CD8B2: variants seen among roughly 807,000 people sequenced by gnomAD.
CD8B2 encodes T-cell surface glycoprotein CD8 beta-2 chain.
In CD8B2, 11 loss-of-function variants were observed where a neutral mutation model predicts 23.7. That is an observed-to-expected ratio of 0.46 (90% confidence interval 0.29 to 0.77). CD8B2 has a LOEUF of 0.77. Ranked by LOEUF, CD8B2 falls within the 30% of genes least tolerant of loss-of-function variation. The pLI, the probability that CD8B2 is intolerant of heterozygous loss-of-function variation, is 0.09. For missense variants in CD8B2, 197 were observed against 270.5 expected (o/e 0.73, Z 1.91); for synonymous variants, 90 against 109.3 (o/e 0.82, Z 1.10).
rs560380924 is a variant in CD8B2 at position 106,504,306 on chromosome 2, C to A, written c.601C>A (p.Arg201=). 16 of 1,554,592 alleles carry A rather than the reference C, an allele frequency of 1.0e-5. No individual in the cohort carries two copies. The South Asian group carries it at 1.9e-4, about 18-fold the overall frequency. ...MHLCCRRRRA[R]LRFMKQFYK ...TCTTCCAGGCCGGCGGAGGAGAGCC[C>A]GGCTTCGTTTCATGAAACAGTAAGT... Residue 201 remains arginine (R), a synonymous_variant, in exon 5 of 6, where the codon CGG becomes AGG. Transcript: ENST00000643224.
At chr2:106,521,784 G>A (rs1372714179) in intron 5 of CD8B2, 1 of 152,216 alleles carries the variant, frequency 6.6e-6, no homozygotes, top group South Asian at 2.1e-4. Context: ...TCAGAAATGG[G>A]GAAAGATAAC....
intron 2 of CD8B2, among the ~76,000 whole-genome samples, chr2:106,494,823 CTG>C (rs983516154): frequency 1.3e-5 from 2 of 152,218 alleles, no homozygotes; most frequent in African/African-American, 4.8e-5. Context: ...CCCCTTGTCT[CTG>C]GTGTTCACCT....
intron 5 of CD8B2, among the ~76,000 whole-genome samples, chr2:106,519,794 A>C (rs112740678): frequency 0.017 from 2,608 of 152,318 alleles, 33 homozygotes; most frequent in Non-Finnish European, 0.027. Context: ...AAAAGAAAAA[A>C]ATTGCAAAAT....
intron 5 of CD8B2, among the ~76,000 whole-genome samples, chr2:106,533,201 G>A (rs533711258): frequency 6.6e-6 from 1 of 152,138 alleles, no homozygotes; most frequent in South Asian, 2.1e-4. Context: ...GGCAGAATCC[G>A]GGGGCACCAG....
chr2:106,512,474 G>GGGGT (rs371354974), downstream of CD8B2, among the ~76,000 whole-genome samples: 929 of 150,766 alleles, frequency 6.2e-3, 10 homozygotes, highest in African/African-American at 0.021. Context: ...CTCTTCCTTG[G>GGGGT]GTGTGTGTGT....
At chr2:106,540,723 C>T (rs1313372591) in intron 5 of CD8B2, among the ~76,000 whole-genome samples, 2 of 152,112 alleles carry the variant, frequency 1.3e-5, no homozygotes, top group Non-Finnish European at 2.9e-5. Context: ...TACCACCACG[C>T]CAGGCTAATT....
At chr2:106,505,857 G>A (rs1371722992) in intron 5 of CD8B2, among the ~76,000 whole-genome samples, 1 of 152,176 alleles carries the variant, frequency 6.6e-6, no homozygotes, top group Non-Finnish European at 1.5e-5. Context: ...AAGGCCGGGT[G>A]CGGTGGCTCA....
rs575908896 is a variant in CD8B2, at chr2:106,496,150, T to G, written c.404-23T>G. On this transcript the variant is annotated intron_variant, in intron 2 of 5. Coordinates refer to ENST00000643224, the MANE Select transcript of CD8B2 (RefSeq NM_001349727.2). The stretch of plus-strand genomic sequence containing the variant: ...ACGTGGTGTTCACTTGGCTAAGATA[T>G]GTGTCTTGCTTTCTTTCTGTAGTTG... 2.4e-3 allele frequency: 3,768 copies of G among 1,546,216 alleles called. 8 individuals carry two copies. Among genetic ancestry groups the G allele is most frequent in the Non-Finnish European group, 3.0e-3 (3,406 of 1,143,462 alleles).
At position 106,527,628 on chromosome 2, in the gene CD8B2, CA is replaced by C. The variant is rs575687802; in HGVS notation, c.621-16357del. On this transcript the variant is annotated intron_variant, in intron 5 of 5. Transcript: ENST00000416057. ...TGAAACCCTGTCTCTACTAAAAATA[CA>C]AAAAAATTAGCTGGGCGTGGTAGCA... is the stretch of plus-strand genomic sequence containing the variant. Among the ~76,000 whole-genome samples, 12 of 152,128 alleles carry C rather than the reference CA, an allele frequency of 7.9e-5. No individual in the cohort carries two copies. In the South Asian group the frequency reaches 2.5e-3, roughly 32 times the overall value.
intron 4 of CD8B2, among the ~76,000 whole-genome samples, chr2:106,502,991 G>A: frequency 6.6e-6 from 1 of 151,252 alleles, no homozygotes; most frequent in East Asian, 1.9e-4. Flanking sequence ...TGGGGTTTGT[G>A]TTGTGTTCCT....
chr2:106,521,859 C>G (rs986678899), intron 5 of CD8B2: 1 of 152,230 alleles, frequency 6.6e-6, no homozygotes, highest in East Asian at 1.9e-4. Context: ...TCAGCTGCAT[C>G]GGCGTCCCCT....
In CD8B2 at chr2:106,501,770, T is replaced by C. The variant is rs10191083; in HGVS notation, c.494-704T>C. 4.9e-4 allele frequency among the ~76,000 whole-genome samples: 75 copies of C among 152,272 alleles called. 1 individual carries two copies. Among genetic ancestry groups the C allele is most frequent in the African/African-American group, 1.7e-3 (70 of 41,542 alleles). ...AAAGAGAAAGTTACTAAATTATCAATGGTGATTAATTCTGTGAAGGAGCAA... is the reference window on the plus strand; with the variant it reads ...AAAGAGAAAGTTACTAAATTATCAACGGTGATTAATTCTGTGAAGGAGCAA... On this transcript the variant is annotated intron_variant, in intron 3 of 5. Transcript: ENST00000643224.
At position 106,508,935 on chromosome 2, in the gene CD8B2, TGCCCC is replaced by T. The variant is rs1679567993; in HGVS notation, c.*1996_*2000del. Reference sequence around the variant, plus strand: ...GTACGTTAATTGGCCTTAGATGCCCTGCCCCCAGACCCAGGTGTTTTCCGTTTGCT... The same window carrying T: ...GTACGTTAATTGGCCTTAGATGCCCTCAGACCCAGGTGTTTTCCGTTTGCT... On this transcript the variant is annotated 3_prime_UTR_variant, in exon 6 of 6. Transcript: ENST00000643224. The T allele has an allele frequency of 4.0e-5, 1 of 25,114 alleles. No homozygotes were observed. The highest frequency in any genetic ancestry group is 6.8e-3 in the South Asian group (1 of 146). The allele number at this position is 25,114 out of a possible 1,614,324, so 1.6% of individuals were successfully genotyped here.
chr2:106,521,445 G>C (rs113731134), intron 5 of CD8B2: 3 of 152,324 alleles, frequency 2.0e-5, no homozygotes, highest in South Asian at 4.1e-4. Flanking sequence ...GCTGCTCTTT[G>C]TTAGAAAAGA....
chr2:106,491,437 C>CA (rs779371211), intron 2 of CD8B2, among the ~76,000 whole-genome samples: 6 of 152,210 alleles, frequency 3.9e-5, no homozygotes, highest in Non-Finnish European at 8.8e-5. Flanking sequence ...TTAATGCTGC[C>CA]AACCACCCTG....
At chr2:106,538,566 T>C (rs2104577081) in intron 5 of CD8B2, among the ~76,000 whole-genome samples, 1 of 152,242 alleles carries the variant, frequency 6.6e-6, no homozygotes, top group South Asian at 2.1e-4. Context: ...CTTGGAAAAT[T>C]CACCTTTGCG....
At chr2:106,498,148 C>T (rs7608352) in intron 3 of CD8B2, among the ~76,000 whole-genome samples, 3,867 of 143,934 alleles carry the variant, frequency 0.027, 179 homozygotes, top group African/African-American at 0.093. Flanking sequence ...TCTTTTCTTT[C>T]TTTCTTTTTT....
intron 5 of CD8B2, among the ~76,000 whole-genome samples, chr2:106,531,508 C>T (rs1196562492): frequency 1.3e-5 from 2 of 152,170 alleles, no homozygotes; most frequent in Non-Finnish European, 2.9e-5. Context: ...ATTTCTTGCT[C>T]TAAGGGTCCT....
At chr2:106,521,007 A>AC (rs1558883571) in intron 5 of CD8B2, among the ~76,000 whole-genome samples, 70 of 147,126 alleles carry the variant, frequency 4.8e-4, no homozygotes, top group African/African-American at 1.1e-3. Flanking sequence ...CAAAAAAAAA[A>AC]TCATAATGTT....
Sources: gnomAD v4.1 joint callset for allele counts (sites outside exome capture counted in the v4.1 genomes callset) on GRCh38, gnomAD v4.1.1 for gene constraint, MANE v1.5 for transcripts, NCBI Gene and HGNC (gene_info 2026-07-23, HGNC 2026-07-21) for gene names.